TNIK: variants seen among roughly 807,000 people sequenced by gnomAD.
The protein encoded by TNIK is TRAF2 and NCK interacting kinase, also known as TRAF2 and NCK-interacting protein kinase.
A neutral mutation model predicts 191.3 loss-of-function variants in TNIK; 49 were observed. The observed-to-expected ratio is 0.26, with a 90% CI of 0.20 to 0.32. The LOEUF is 0.32. Ranked by LOEUF, TNIK falls within the 10% of genes least tolerant of loss-of-function variation. The pLI, the probability that TNIK is intolerant of heterozygous loss-of-function variation, is 1.00. For synonymous variants in TNIK, 594 were observed against 600.9 expected, an observed-to-expected ratio of 0.99 and a Z score of 0.17; for missense variants, 1,155 against 1,702.3, an observed-to-expected ratio of 0.68 and a Z score of 5.66.
intron 2 of TNIK, among the ~76,000 whole-genome samples, chr3:171,354,266 A>C (rs1713676471): frequency 6.6e-6 from 1 of 152,128 alleles, no homozygotes; most frequent in African/African-American, 2.4e-5. Flanking sequence ...CTGATTGTAA[A>C]AAGGGGATTT....
chr3:171,137,775 A>T (rs922927398), intron 15 of TNIK, among the ~76,000 whole-genome samples: 1 of 152,218 alleles, frequency 6.6e-6, no homozygotes, highest in African/African-American at 2.4e-5. Context: ...AATGTTAATG[A>T]TCAGCAACAG....
intron 1 of TNIK, among the ~76,000 whole-genome samples, chr3:171,455,699 T>C (rs747601400): frequency 2.0e-5 from 3 of 152,246 alleles, no homozygotes; most frequent in Non-Finnish European, 2.9e-5. Flanking sequence ...AACCAGTATG[T>C]GAGAAAGGCA....
chr3:171,271,311 A>G (rs1413198548), intron 2 of TNIK, among the ~76,000 whole-genome samples: 1 of 152,246 alleles, frequency 6.6e-6, no homozygotes, highest in Non-Finnish European at 1.5e-5. Context: ...AATAGTAATT[A>G]TTGGCTTCAC....
At chr3:171,243,345 A>G (rs982374169) in intron 2 of TNIK, among the ~76,000 whole-genome samples, 1 of 152,176 alleles carries the variant, frequency 6.6e-6, no homozygotes, top group Non-Finnish European at 1.5e-5. Flanking sequence ...GTGCCCTTTG[A>G]TATGTGGTCA....
chr3:171,254,432 T>A (rs752196542), intron 2 of TNIK, among the ~76,000 whole-genome samples: 4 of 152,212 alleles, frequency 2.6e-5, no homozygotes, highest in African/African-American at 4.8e-5. Context: ...TAATATTTGC[T>A]CACCCTTCCC....
At chr3:171,229,617 C>G (rs1438108658) in intron 2 of TNIK, among the ~76,000 whole-genome samples, 1 of 152,122 alleles carries the variant, frequency 6.6e-6, no homozygotes, top group African/African-American at 2.4e-5. Context: ...ACTTTTCTCC[C>G]TTACTAACCT....
intron 2 of TNIK, among the ~76,000 whole-genome samples, chr3:171,257,478 G>A (rs10513693): frequency 0.038 from 5,704 of 151,936 alleles, 315 homozygotes; most frequent in African/African-American, 0.13. Context: ...CAAAGCAGAT[G>A]TTCATGACAT....
chr3:171,269,193 A>C (rs1403565176), intron 2 of TNIK, among the ~76,000 whole-genome samples: 2 of 152,360 alleles, frequency 1.3e-5, no homozygotes, highest in South Asian at 2.1e-4. Flanking sequence ...AAAGGGAGTA[A>C]TACTGTCTGT....
intron 2 of TNIK, among the ~76,000 whole-genome samples, chr3:171,304,681 T>TA (rs767848451): frequency 1.6e-4 from 25 of 152,018 alleles, no homozygotes; most frequent in Non-Finnish European, 3.1e-4. Context: ...TATGCAGCCA[T>TA]AAAAAATGAT....
At chr3:171,315,900 C>A (rs1384537300) in intron 2 of TNIK, among the ~76,000 whole-genome samples, 1 of 152,126 alleles carries the variant, frequency 6.6e-6, no homozygotes, top group Non-Finnish European at 1.5e-5. Context: ...CAAATAAAGT[C>A]ATATTCACAG....
chr3:171,142,176 C>T (rs980776442), intron 12 of TNIK, among the ~76,000 whole-genome samples: 5 of 152,134 alleles, frequency 3.3e-5, no homozygotes, highest in African/African-American at 4.8e-5. Flanking sequence ...GGATTGCAGG[C>T]GAAGGAGAGC....
rs1377105179 is a variant in TNIK at position 171,369,202 on chromosome 3, A to T, written c.123+418T>A. The stretch of plus-strand genomic sequence containing the variant: ...ACCCAGTTTTCTTCCAACACTGTTC[A>T]CTCCACTCATTTAATTCATGTCCTA... On this transcript the variant is annotated intron_variant, in intron 2 of 32. Coordinates refer to ENST00000436636, the MANE Select transcript of TNIK (RefSeq NM_015028.4). Among the ~76,000 whole-genome samples, 12 of 152,112 alleles carry T rather than the reference A, an allele frequency of 7.9e-5. No individual in the cohort carries two copies. In the East Asian group the frequency reaches 2.3e-3, roughly 29 times the overall value.
At chr3:171,392,467 C>T (rs373717635) in intron 1 of TNIK, among the ~76,000 whole-genome samples, 6 of 152,230 alleles carry the variant, frequency 3.9e-5, no homozygotes, top group South Asian at 2.1e-4. Context: ...AGACCATCAG[C>T]GTTGATCATA....
intron 27 of TNIK, among the ~76,000 whole-genome samples, chr3:171,081,424 A>G (rs1165921390): frequency 6.6e-6 from 1 of 151,238 alleles, no homozygotes; most frequent in Admixed American, 6.6e-5. Flanking sequence ...ATGGAAACAC[A>G]TCAGAAACTA....
chr3:171,329,013 A>G (rs1222081627), intron 2 of TNIK, among the ~76,000 whole-genome samples: 4 of 152,158 alleles, frequency 2.6e-5, no homozygotes, highest in Non-Finnish European at 5.9e-5. Context: ...CTGCTCCTGC[A>G]CTTTCCTTAT....
chr3:171,225,944 A>G (rs1041122169), intron 3 of TNIK, among the ~76,000 whole-genome samples: 21 of 152,334 alleles, frequency 1.4e-4, no homozygotes, highest in African/African-American at 4.6e-4. Context: ...CAGAGATCCT[A>G]TTCAATCCAA....
intron 13 of TNIK, among the ~76,000 whole-genome samples, chr3:171,140,088 G>T (rs1730598688): frequency 6.6e-6 from 1 of 152,216 alleles, no homozygotes; most frequent in Admixed American, 6.5e-5. Context: ...CTCTTCTGAA[G>T]CAGTGAAAGA....
chr3:171,407,094 G>A (rs1721796410), intron 1 of TNIK, among the ~76,000 whole-genome samples: 1 of 152,176 alleles, frequency 6.6e-6, no homozygotes, highest in African/African-American at 2.4e-5. Flanking sequence ...AGGACACTGA[G>A]AGCTGGGGAC....
intron 2 of TNIK, among the ~76,000 whole-genome samples, chr3:171,319,771 C>T (rs1278930737): frequency 2.0e-5 from 3 of 152,240 alleles, no homozygotes; most frequent in Middle Eastern, 6.8e-3. Context: ...AAGGAAAATG[C>T]CCTGAAGAGA....
Sources: allele counts gnomAD v4.1 joint callset (sites outside exome capture counted in the v4.1 genomes callset), GRCh38; gene constraint gnomAD v4.1.1; transcripts MANE v1.5; gene names NCBI Gene and HGNC (gene_info 2026-07-23, HGNC 2026-07-21).